The following NUP210 variants were observed in gnomAD, a reference collection of about 807,000 sequenced individuals.
NUP210 encodes nucleoporin 210, also known as nuclear pore membrane glycoprotein 210.
Under a neutral mutation model 196.0 loss-of-function variants are expected in NUP210, and 151 were observed. That is an observed-to-expected ratio of 0.77 (90% CI 0.67 to 0.88). The LOEUF (loss-of-function observed/expected upper bound fraction) is 0.88. Ranked by LOEUF, NUP210 falls within the 40% of genes least tolerant of loss-of-function variation. The probability of loss-of-function intolerance (pLI) is 0.00; values close to 1 mark genes in which losing one functional copy is unlikely to be tolerated. For synonymous variants in NUP210, 1,070 were observed against 1,052.7 expected, an observed-to-expected ratio of 1.02 and a Z score of -0.32; for missense variants, 2,314 against 2,493.7, an observed-to-expected ratio of 0.93 and a Z score of 1.53.
At chr3:13,387,871 G>A (rs1170781174) in intron 5 of NUP210, among the ~76,000 whole-genome samples, 36 of 152,072 alleles carry the variant, frequency 2.4e-4, no homozygotes, top group Non-Finnish European at 8.8e-5. Context: ...TAGGATCCCT[G>A]GGCCACCAGT....
chr3:13,319,470 T>A, intron 37 of NUP210, 145 bp from the exon 38 acceptor site: 1 of 735,842 alleles, frequency 1.4e-6, no homozygotes, highest in Non-Finnish European at 2.3e-6. Context: ...CCAGGCCACC[T>A]GCTGGAGGCC....
chr3:13,360,587 G>GTGA, intron 14 of NUP210, 96 bp from the exon 15 acceptor site: 1 of 926,298 alleles, frequency 1.1e-6, no homozygotes, highest in Non-Finnish European at 1.6e-6. Context: ...CGCTTGTGGG[G>GTGA]GCTGGTGGTC....
chr3:13,347,293 G>A lies in NUP210; in HGVS notation c.2836-3990C>T, dbSNP rs185820602. 3.3e-5 allele frequency: 33 copies of A among 985,404 alleles called. No homozygotes were observed. In the East Asian group the frequency reaches 9.1e-4, roughly 27 times the overall value. 61.0% of individuals were successfully genotyped at this position (985,404 alleles called of 1,614,324 possible). A position where few individuals can be genotyped will look rare whatever the true frequency, so the allele number is the denominator to read the frequency against. On this transcript the variant is annotated intron_variant, in intron 20 of 39. Transcript: ENST00000254508. This position sits in a 1 kb window ranked among gnomAD's most constrained non-coding sequence, Gnocchi z 4.7. ...AGCACTCCAGCGTCTCTGAGTGCAC[G>A]AGTTAATGGGAAATGTAAAGTGCCC...
At chr3:13,332,461 C>T in intron 28 of NUP210, 77 bp from the exon 29 acceptor site, 3 of 1,128,088 alleles carry the variant, frequency 2.7e-6, no homozygotes, top group Non-Finnish European at 4.0e-6. Context: ...TCTCTCCTAG[C>T]AGCAAGAGCC....
chr3:13,399,856 G>T lies in NUP210; in HGVS notation c.173C>A (p.Ser58Tyr). The T allele has an allele frequency of 1.2e-6, 2 of 1,605,868 alleles. No homozygotes were observed. Among genetic ancestry groups the T allele is most frequent in the Non-Finnish European group, 1.7e-6 (2 of 1,175,820 alleles). Residue 58 changes from serine (S) to tyrosine (Y), a missense_variant, in exon 2 of 40, where the codon TCC becomes TAC. By Grantham distance (144) the Ser-to-Tyr change is moderately radical. Transcript: ENST00000254508. ...GATGCTGGCCACCTCCGGCCGGGTG[G>T]ACAACCTGCAGTGGAAGAAGACAGC... ...EASEGCYRWL[S>Y]TRPEVASIEP...
At position 13,323,525 on chromosome 3, in the gene NUP210, T is replaced by C. The variant is rs892415597; in HGVS notation, c.4645-93A>G. 98 of 1,421,538 alleles carry C rather than the reference T, an allele frequency of 6.9e-5. No individual in the cohort carries two copies. The African/African-American group carries it at 1.2e-3, about 18-fold the overall frequency. The allele number at this position is 1,421,538 out of a possible 1,614,324, so 88.1% of individuals were successfully genotyped here. ...CAACCTCACCCTGCAGTCTGTGACA[T>C]AGTGTCACCCGTTTCACAGGTGGCA... On this transcript the variant is annotated intron_variant, in intron 33 of 39. Transcript: ENST00000254508. This position sits in a 1 kb window ranked among gnomAD's most constrained non-coding sequence, Gnocchi z 4.3.
At chr3:13,382,373 C>T (rs1213841546) in intron 6 of NUP210, among the ~76,000 whole-genome samples, 3 of 152,228 alleles carry the variant, frequency 2.0e-5, no homozygotes, top group Non-Finnish European at 4.4e-5. Flanking sequence ...CCTCCACTCA[C>T]AGGCCTCACT....
rs920585919 is a variant in NUP210, at chr3:13,348,164, C to T, written c.2835+3715G>A. 5.8e-5 allele frequency: 9 copies of T among 154,450 alleles called. No homozygotes were observed. The highest frequency in any genetic ancestry group is 2.2e-4 in the African/African-American group (9 of 41,524). 9.6% of individuals were successfully genotyped at this position (154,450 alleles called of 1,614,324 possible). A position where few individuals can be genotyped will look rare whatever the true frequency, so the allele number is the denominator to read the frequency against. On this transcript the variant is annotated intron_variant, in intron 20 of 39. Transcript: ENST00000254508. The surrounding 1 kb of genome is among the most constrained non-coding windows in gnomAD (Gnocchi z 4.0). Reference sequence around the variant, plus strand: ...AACTGCAGAGGCACTCCTAGAATTGCAGCATTTTAGGATTCAAGAGGGGTT... The same window carrying T: ...AACTGCAGAGGCACTCCTAGAATTGTAGCATTTTAGGATTCAAGAGGGGTT...
intron 6 of NUP210, among the ~76,000 whole-genome samples, chr3:13,382,406 G>C (rs146982858): frequency 6.6e-6 from 1 of 152,296 alleles, no homozygotes; most frequent in East Asian, 1.9e-4. Flanking sequence ...GTGACTGACT[G>C]TGCTCCACCT....
chr3:13,361,534 G>T (rs1230967947), intron 14 of NUP210, among the ~76,000 whole-genome samples: 2 of 152,142 alleles, frequency 1.3e-5, no homozygotes, highest in African/African-American at 4.8e-5. Flanking sequence ...ACACAGCAGG[G>T]GTGCGGAGAG....
rs1277280875 is a variant in NUP210, at chr3:13,327,218, T to C, written c.4506A>G (p.Glu1502=). The change falls in exon 32 of 40, where the codon GAA becomes GAG. Residue 1502 remains glutamate (E), a splice_region_variant and synonymous_variant. Coordinates refer to ENST00000254508, the MANE Select transcript of NUP210 (RefSeq NM_024923.4). ...LCLATVLTSL[E]GLSGTWSSSA... Reference sequence around the variant, plus strand: ...TCCCTTGCTCAGGATCTATCTTACCTTCCAGGCTGGTCAGAACAGTGGCCA... The same window carrying C: ...TCCCTTGCTCAGGATCTATCTTACCCTCCAGGCTGGTCAGAACAGTGGCCA... 6.2e-7 allele frequency: 1 copy of C among 1,612,190 alleles called. No individual in the cohort carries two copies. Among genetic ancestry groups the C allele is most frequent in the Non-Finnish European group, 8.5e-7 (1 of 1,179,530 alleles).
At position 13,377,577 on chromosome 3, in the gene NUP210, G is replaced by C. The variant is rs370940267; in HGVS notation, c.1046-15C>G. ...AACAGTGAACCCTAAAACAGGCAGA[G>C]GGAGCCTGAGCACTCAGGCCTCAGG... On this transcript the variant is annotated splice_polypyrimidine_tract_variant and intron_variant, in intron 8 of 39. Coordinates refer to ENST00000254508, the MANE Select transcript of NUP210 (RefSeq NM_024923.4). The C allele has an allele frequency of 7.9e-4, 1,272 of 1,603,630 alleles. 11 individuals carry two copies. The South Asian group carries it at 0.01, about 13-fold the overall frequency.
Position 13,420,084 on chromosome 3 carries a change from TC to T in NUP210, c.142del (p.Glu48ArgfsTer39). The T allele has an allele frequency of 7.3e-7, 1 of 1,372,938 alleles. No homozygotes were observed. Among genetic ancestry groups the T allele is most frequent in the Non-Finnish European group, 9.6e-7 (1 of 1,042,102 alleles). The allele number at this position is 1,372,938 out of a possible 1,614,324, so 85.0% of individuals were successfully genotyped here. A position where few individuals can be genotyped will look rare whatever the true frequency, so the allele number is the denominator to read the frequency against. On this transcript the variant is annotated frameshift_variant, in exon 1 of 40. Coordinates refer to ENST00000254508, the MANE Select transcript of NUP210 (RefSeq NM_024923.4). LOFTEE classifies it high-confidence loss of function. This position sits in a 1 kb window ranked among gnomAD's most constrained non-coding sequence, Gnocchi z 4.8. ...TRATRVNFTL[E>X]ASEGCYRWLS... ...CCAGCGGTAGCAGCCCTCCGAGGCC[TC>T]CAGCGTGAAGTTAACGCGCGTGGCC...
intron 1 of NUP210, among the ~76,000 whole-genome samples, chr3:13,402,793 A>C (rs1699881540): frequency 6.6e-6 from 1 of 152,246 alleles, no homozygotes; most frequent in African/African-American, 2.4e-5. Flanking sequence ...CTGAATAGAA[A>C]GTATAGATTT....
Position 13,323,167 on chromosome 3 carries a change from G to C in NUP210, c.4768+142C>G, listed in dbSNP as rs144152891. Reference sequence around the variant, plus strand: ...CAATTTCAGAAACGCTGGAAGGAGTGGATGAGTGGGGGCTAAATGCCCTCT... The same window carrying C: ...CAATTTCAGAAACGCTGGAAGGAGTCGATGAGTGGGGGCTAAATGCCCTCT... On this transcript the variant is annotated intron_variant, in intron 34 of 39. Coordinates refer to ENST00000254508, the MANE Select transcript of NUP210 (RefSeq NM_024923.4). This position sits in a 1 kb window ranked among gnomAD's most constrained non-coding sequence, Gnocchi z 4.3. 8.7e-4 allele frequency: 871 copies of C among 999,980 alleles called. No individual in the cohort carries two copies. The highest frequency in any genetic ancestry group is 1.2e-3 in the Non-Finnish European group (826 of 679,682). 61.9% of individuals were successfully genotyped at this position (999,980 alleles called of 1,614,324 possible). A position where few individuals can be genotyped will look rare whatever the true frequency, so the allele number is the denominator to read the frequency against.
At chr3:13,357,603 T>G (rs1231430026) in intron 16 of NUP210, among the ~76,000 whole-genome samples, 1 of 152,144 alleles carries the variant, frequency 6.6e-6, no homozygotes, top group Non-Finnish European at 1.5e-5. Flanking sequence ...ATGTCCCATG[T>G]CCCTTACCCT....
chr3:13,364,052 C>T (rs1698453568), intron 14 of NUP210, among the ~76,000 whole-genome samples: 1 of 152,284 alleles, frequency 6.6e-6, no homozygotes, highest in East Asian at 1.9e-4. Context: ...CAGTGCTGTG[C>T]TTGAGTTGGG....
Position 13,323,824 on chromosome 3 carries a change from G to C in NUP210, c.4645-392C>G, listed in dbSNP as rs1176179300. On this transcript the variant is annotated intron_variant, in intron 33 of 39. Transcript: ENST00000254508. This position sits in a 1 kb window ranked among gnomAD's most constrained non-coding sequence, Gnocchi z 4.3. ...CCAGATTTTCCCAGCTGTTCCCCCTGTGCCCATCCTGTACCTGGCCACACC... is the reference window on the plus strand; with the variant it reads ...CCAGATTTTCCCAGCTGTTCCCCCTCTGCCCATCCTGTACCTGGCCACACC... 6.6e-6 allele frequency among the ~76,000 whole-genome samples: 1 copy of C among 152,008 alleles called. No homozygotes were observed. Among genetic ancestry groups the C allele is most frequent in the African/African-American group, 2.4e-5 (1 of 41,376 alleles).
chr3:13,391,747 G>A (rs1166533383), intron 3 of NUP210, among the ~76,000 whole-genome samples: 1 of 151,332 alleles, frequency 6.6e-6, no homozygotes, highest in East Asian at 2.0e-4. Context: ...GGGACCCAGG[G>A]TGGAGGGGCA....
Sources: gnomAD v4.1 joint callset for allele counts (sites outside exome capture counted in the v4.1 genomes callset) on GRCh38, gnomAD v4.1.1 for gene constraint, Gnocchi (gnomAD v3.1) non-coding constraint, MANE v1.5 for transcripts, NCBI Gene and HGNC (gene_info 2026-07-23, HGNC 2026-07-21) for gene names.